Variants in B3GAT2 observed in about 807,000 individuals in gnomAD.
The protein encoded by B3GAT2 is galactosylgalactosylxylosylprotein 3-beta-glucuronosyltransferase 2.
Under a neutral mutation model 27.8 loss-of-function variants are expected in B3GAT2, and 26 were observed. The observed-to-expected ratio is 0.93, with a 90% CI of 0.68 to 1.30. The LOEUF (loss-of-function observed/expected upper bound fraction) is 1.30, where lower values mean the gene tolerates loss of function less well. Ranked by LOEUF, B3GAT2 falls within the 50% of genes most tolerant of loss-of-function variation. The pLI is 0.00. For synonymous variants in B3GAT2, 218 were observed against 195.1 expected, an observed-to-expected ratio of 1.12 and a Z score of -0.98; for missense variants, 458 against 459.0, an observed-to-expected ratio of 1.00 and a Z score of 0.02.
At chr6:70,947,585 A>G (rs146362588) in intron 1 of B3GAT2, among the ~76,000 whole-genome samples, 18,979 of 151,130 alleles carry the variant, frequency 0.13, 2,089 homozygotes, top group African/African-American at 0.31. Flanking sequence ...TGTGGGAATA[A>G]TCAATAGCTT....
chr6:70,953,969 G>C (rs1481217659), intron 1 of B3GAT2, among the ~76,000 whole-genome samples: 2 of 152,172 alleles, frequency 1.3e-5, no homozygotes, highest in Non-Finnish European at 2.9e-5. Flanking sequence ...TTCACTGCCT[G>C]CGTGTGCCAA....
At chr6:70,920,499 T>C (rs1772849547) in intron 1 of B3GAT2, among the ~76,000 whole-genome samples, 1 of 152,234 alleles carries the variant, frequency 6.6e-6, no homozygotes, top group Non-Finnish European at 1.5e-5. Context: ...ACCTGTCTTC[T>C]GCATTGATCT....
chr6:70,862,483 G>C (rs991547628), intron 2 of B3GAT2, among the ~76,000 whole-genome samples: 6 of 152,104 alleles, frequency 3.9e-5, no homozygotes, highest in Non-Finnish European at 5.9e-5. Context: ...AAGTAAAGCC[G>C]ATTAGCTGGA....
intron 1 of B3GAT2, among the ~76,000 whole-genome samples, chr6:70,905,450 CTT>C (rs995649822): frequency 2.8e-4 from 43 of 152,262 alleles, no homozygotes; most frequent in African/African-American, 8.2e-4. Flanking sequence ...AAAAGGAAAA[CTT>C]AATACAAAAT....
intron 1 of B3GAT2, among the ~76,000 whole-genome samples, chr6:70,951,383 G>A (rs559684447): frequency 6.6e-6 from 1 of 152,136 alleles, no homozygotes; most frequent in African/African-American, 2.4e-5. Context: ...AGAGTAGACA[G>A]AAAAAAGGGA....
At position 70,861,555 on chromosome 6, in the gene B3GAT2, T is replaced by C. The variant is rs1317798495; in HGVS notation, c.*108A>G. The C allele has an allele frequency of 1.2e-5, 12 of 960,706 alleles. No homozygotes were observed. The East Asian group carries it at 2.9e-4, about 24-fold the overall frequency. The allele number at this position is 960,706 out of a possible 1,614,324, so 59.5% of individuals were successfully genotyped here. On this transcript the variant is annotated 3_prime_UTR_variant, in exon 4 of 4. Transcript: ENST00000230053. Reference sequence around the variant, plus strand: ...CATCAGATGACAAGAAAGGCTGCTGTACTGAAGTAAAACAAACAATACCTG... The same window carrying C: ...CATCAGATGACAAGAAAGGCTGCTGCACTGAAGTAAAACAAACAATACCTG...
At chr6:70,918,720 GC>G (rs1167523496) in intron 1 of B3GAT2, among the ~76,000 whole-genome samples, 3 of 152,066 alleles carry the variant, frequency 2.0e-5, no homozygotes, top group Non-Finnish European at 4.4e-5. Flanking sequence ...TTGAATATCG[GC>G]CCCCTCTCTC....
intron 2 of B3GAT2, among the ~76,000 whole-genome samples, chr6:70,866,766 C>A (rs1193058918): frequency 6.6e-6 from 1 of 152,114 alleles, no homozygotes; most frequent in Non-Finnish European, 1.5e-5. Context: ...AATTTACAAA[C>A]TTGAAAACTC....
chr6:70,934,877 G>A (rs534199688), intron 1 of B3GAT2, among the ~76,000 whole-genome samples: 1 of 152,214 alleles, frequency 6.6e-6, no homozygotes, highest in East Asian at 1.9e-4. Flanking sequence ...AATAAATGTA[G>A]CTTTTATGTT....
chr6:70,942,257 C>T (rs1765404042), intron 1 of B3GAT2, among the ~76,000 whole-genome samples: 1 of 152,184 alleles, frequency 6.6e-6, no homozygotes, highest in African/African-American at 2.4e-5. Context: ...TCCAAATACA[C>T]AGAACCTGAA....
At chr6:70,933,319 C>T in intron 1 of B3GAT2, among the ~76,000 whole-genome samples, 1 of 151,904 alleles carries the variant, frequency 6.6e-6, no homozygotes, top group East Asian at 1.9e-4. Flanking sequence ...ACCCCAAAAC[C>T]TGTCTTATCA....
chr6:70,929,523 G>C (rs12206901), intron 1 of B3GAT2, among the ~76,000 whole-genome samples: 25,897 of 151,952 alleles, frequency 0.17, 2,642 homozygotes, highest in East Asian at 0.44. Context: ...AAATCAATGT[G>C]CAAAATCACA....
At chr6:70,877,779 C>A (rs1252082507) in intron 2 of B3GAT2, among the ~76,000 whole-genome samples, 1 of 152,174 alleles carries the variant, frequency 6.6e-6, no homozygotes, top group Admixed American at 6.5e-5. Flanking sequence ...GGTACAAAGG[C>A]ATAGATACCT....
intron 2 of B3GAT2, among the ~76,000 whole-genome samples, chr6:70,882,978 G>A (rs192699221): frequency 3.9e-5 from 6 of 152,258 alleles, no homozygotes; most frequent in Middle Eastern, 3.4e-3. Flanking sequence ...AAATGGCCAC[G>A]AAGCACATGA....
chr6:70,920,302 G>C (rs1213599321), intron 1 of B3GAT2, among the ~76,000 whole-genome samples: 1 of 152,182 alleles, frequency 6.6e-6, no homozygotes, highest in Non-Finnish European at 1.5e-5. Context: ...GAGCAGGAGT[G>C]TACTTTTCCT....
intron 1 of B3GAT2, among the ~76,000 whole-genome samples, chr6:70,938,843 G>A (rs1765339782): frequency 6.6e-6 from 1 of 151,754 alleles, no homozygotes; most frequent in African/African-American, 2.4e-5. Context: ...GCATGGGCAA[G>A]GACTTCATGT....
chr6:70,941,562 A>T lies in B3GAT2; in HGVS notation c.591+14277T>A, dbSNP rs191126760. On this transcript the variant is annotated intron_variant, in intron 1 of 3. Coordinates refer to ENST00000230053, the MANE Select transcript of B3GAT2 (RefSeq NM_080742.3). ...TGGCTGTTGATGGTAATGCCTTGCT[A>T]TATACATAAATGCTCATGACATTCT... Among the ~76,000 whole-genome samples, 1,088 of 152,198 alleles carry T rather than the reference A, an allele frequency of 7.1e-3. 12 individuals carry two copies. The highest frequency in any genetic ancestry group is 0.025 in the African/African-American group (1,048 of 41,528).
At chr6:70,883,129 G>A (rs996071871) in intron 2 of B3GAT2, among the ~76,000 whole-genome samples, 3 of 152,184 alleles carry the variant, frequency 2.0e-5, no homozygotes, top group Non-Finnish European at 4.4e-5. Context: ...TTGCTGTGGA[G>A]AGTGTAAAAT....
rs1218328253 is a variant in B3GAT2 at position 70,920,449 on chromosome 6, A to G, written c.592-26177T>C. ...TGCACCCACTGTCCAACCAATCCCA[A>G]TGAGATGAACCAGGTACCTCAGTTG... On this transcript the variant is annotated intron_variant, in intron 1 of 3. Coordinates refer to ENST00000230053, the MANE Select transcript of B3GAT2 (RefSeq NM_080742.3). 3.3e-5 allele frequency among the ~76,000 whole-genome samples: 5 copies of G among 152,072 alleles called. No individual in the cohort carries two copies. The East Asian group carries it at 5.8e-4, about 18-fold the overall frequency.
Sources: gnomAD v4.1 joint callset for allele counts (sites outside exome capture counted in the v4.1 genomes callset) on GRCh38, gnomAD v4.1.1 for gene constraint, MANE v1.5 for transcripts, NCBI Gene and HGNC (gene_info 2026-07-23, HGNC 2026-07-21) for gene names.